Variants in RAD21L1 observed in about 807,000 individuals in gnomAD.
The protein encoded by RAD21L1 is RAD21 cohesin complex component like 1.
In RAD21L1, 47 loss-of-function variants were observed where a neutral mutation model predicts 69.0. The ratio of observed to expected loss-of-function variants is 0.68; its 90% CI spans 0.54 to 0.87. The LOEUF (loss-of-function observed/expected upper bound fraction) is 0.87. Among genes scored for constraint, RAD21L1 ranks in the 40% least tolerant of loss-of-function variants. The probability of loss-of-function intolerance (pLI) is 0.00; values close to 1 mark genes in which losing one functional copy is unlikely to be tolerated. For missense variants in RAD21L1, 583 were observed against 647.6 expected (o/e 0.90, Z 1.08); for synonymous variants, 177 against 205.8 (o/e 0.86, Z 1.20).
intron 10 of RAD21L1, among the ~76,000 whole-genome samples, chr20:1,243,720 T>A (rs1024401706): frequency 6.6e-6 from 1 of 152,186 alleles, no homozygotes; most frequent in Non-Finnish European, 1.5e-5. Context: ...CACTTCCTGA[T>A]CACCCTTCCT....
Position 1,229,893 on chromosome 20 carries a change from T to C in RAD21L1, c.158T>C (p.Leu53Pro). The change falls in exon 3 of 14, where the codon CTT (leucine) becomes CCT (proline). Residue 53 changes from leucine (L) to proline (P), a missense_variant. Leu to Pro is a moderately conservative substitution (Grantham distance 98). Transcript: ENST00000683101. Reference sequence around the variant, plus strand: ...AATTATTGAAAGGTGAAAATAGCACTTCGAACTTCAGGACACCTTCTTTTG... The same window carrying C: ...AATTATTGAAAGGTGAAAATAGCACCTCGAACTTCAGGACACCTTCTTTTG... The part of the protein sequence containing the change: ...KILSPKVKIA[L>P]RTSGHLLLGV... 1 of 1,548,470 alleles carries C rather than the reference T, an allele frequency of 6.5e-7. No individual in the cohort carries two copies.
intron 7 of RAD21L1, among the ~76,000 whole-genome samples, 157 bp from the exon 8 acceptor site, chr20:1,240,164 T>C (rs1172234033): frequency 1.3e-5 from 2 of 152,210 alleles, no homozygotes; most frequent in African/African-American, 4.8e-5. Context: ...GTAAGCCTCT[T>C]CAGCTCTATT....
rs745733834 is a variant in RAD21L1, at chr20:1,246,378, A to C, written c.1401+73A>C. ...AAATATTTAACACCTTATTTATCTA[A>C]AACTTGGCTTTTATAGCTGTCATGT... On this transcript the variant is annotated intron_variant, in intron 12 of 13. Coordinates refer to ENST00000683101, the MANE Select transcript of RAD21L1 (RefSeq NM_001384355.1). The surrounding 1 kb of genome is among the most constrained non-coding windows in gnomAD (Gnocchi z 4.6). 4.6e-5 allele frequency: 30 copies of C among 650,470 alleles called. No homozygotes were observed. Among genetic ancestry groups the C allele is most frequent in the Non-Finnish European group, 7.1e-5 (30 of 422,274 alleles). 40.3% of individuals were successfully genotyped at this position (650,470 alleles called of 1,614,324 possible). A position where few individuals can be genotyped will look rare whatever the true frequency, so the allele number is the denominator to read the frequency against.
At position 1,235,267 on chromosome 20, in the gene RAD21L1, C is replaced by A. The variant is rs531462535; in HGVS notation, c.475+1076C>A. Among the ~76,000 whole-genome samples, 208 of 152,048 alleles carry A rather than the reference C, an allele frequency of 1.4e-3. 2 individuals are homozygous for A. Among genetic ancestry groups the A allele is most frequent in the Non-Finnish European group, 2.7e-3 (183 of 67,982 alleles). ...AAAGATGGCCTATGTCTATCTTGGT[C>A]GGGGAGGGGAGTCAAGAAAGTAATG... is the stretch of plus-strand genomic sequence containing the variant. On this transcript the variant is annotated intron_variant, in intron 5 of 13. Coordinates refer to ENST00000683101, the MANE Select transcript of RAD21L1 (RefSeq NM_001384355.1).
chr20:1,248,493 A>AT (rs1600230359), intron 12 of RAD21L1, 133 bp from the exon 13 acceptor site: 1 of 517,934 alleles, frequency 1.9e-6, no homozygotes, highest in Non-Finnish European at 3.4e-6. Context: ...AATAATAAAG[A>AT]TTATAAGCTC....
intron 4 of RAD21L1, among the ~76,000 whole-genome samples, chr20:1,231,824 A>G (rs1288039980): frequency 1.3e-5 from 2 of 152,212 alleles, no homozygotes; most frequent in Non-Finnish European, 2.9e-5. Flanking sequence ...CAATATTGAC[A>G]GTATATTCAT....
chr20:1,250,643 T>C (rs891960300), intron 13 of RAD21L1, among the ~76,000 whole-genome samples: 1 of 152,240 alleles, frequency 6.6e-6, no homozygotes, highest in African/African-American at 2.4e-5. Context: ...TCTTTGCTAT[T>C]GTGAATAGTG....
At chr20:1,227,362 G>GCCC (rs910764737) in intron 1 of RAD21L1, among the ~76,000 whole-genome samples, 6 of 152,260 alleles carry the variant, frequency 3.9e-5, no homozygotes, top group Non-Finnish European at 8.8e-5. Context: ...ATCTCCAGCT[G>GCCC]CCCCGTAGGG....
At chr20:1,238,001 C>T (rs773932942) in intron 5 of RAD21L1, 43 bp from the exon 6 acceptor site, 1 of 1,097,720 alleles carries the variant, frequency 9.1e-7, no homozygotes, top group South Asian at 2.1e-5. Flanking sequence ...CCCTATAATT[C>T]TGTGTTTCTA....
At chr20:1,234,905 A>G (rs1202746000) in intron 5 of RAD21L1, among the ~76,000 whole-genome samples, 2 of 151,986 alleles carry the variant, frequency 1.3e-5, no homozygotes. Flanking sequence ...ACACTCAGCT[A>G]ATTTTTTAAA....
At position 1,246,873 on chromosome 20, in the gene RAD21L1, T is replaced by C. The variant is rs1443132181; in HGVS notation, c.1401+568T>C. 1.3e-5 allele frequency among the ~76,000 whole-genome samples: 2 copies of C among 152,162 alleles called. No individual in the cohort carries two copies. The highest frequency in any genetic ancestry group is 1.3e-4 in the Admixed American group (2 of 15,266). ...TAACTGTCTTATTTCTCTGGTATTA[T>C]CCCAGCATACTGAAAACATTTTTAA... On this transcript the variant is annotated intron_variant, in intron 12 of 13. Coordinates refer to ENST00000683101, the MANE Select transcript of RAD21L1 (RefSeq NM_001384355.1). The surrounding 1 kb of genome is among the most constrained non-coding windows in gnomAD (Gnocchi z 4.6).
chr20:1,235,633 A>G (rs953863403), intron 5 of RAD21L1, among the ~76,000 whole-genome samples: 6 of 152,184 alleles, frequency 3.9e-5, no homozygotes, highest in African/African-American at 9.6e-5. Context: ...TACTTTAAGT[A>G]GCACTGATCT....
intron 13 of RAD21L1, among the ~76,000 whole-genome samples, chr20:1,252,612 T>C (rs1345788227): frequency 6.6e-6 from 1 of 152,186 alleles, no homozygotes; most frequent in Non-Finnish European, 1.5e-5. Context: ...ATGCTTGTTA[T>C]CTCCAGAAGG....
Position 1,231,100 on chromosome 20 carries a change from C to A in RAD21L1, c.275-426C>A, listed in dbSNP as rs958242947. 2.6e-5 allele frequency among the ~76,000 whole-genome samples: 4 copies of A among 152,124 alleles called. No homozygotes were observed. In the East Asian group the frequency reaches 7.7e-4, roughly 29 times the overall value. ...TCAGACTTGAAAAATGAGAACTACC[C>A]AGCCATGTAAAAAGTCCCTGAGGGA... is the stretch of plus-strand genomic sequence containing the variant. On this transcript the variant is annotated intron_variant, in intron 3 of 13. Coordinates refer to ENST00000683101, the MANE Select transcript of RAD21L1 (RefSeq NM_001384355.1).
In RAD21L1 at chr20:1,231,541, C is replaced by T; in HGVS notation, c.290C>T (p.Pro97Leu). The T allele has an allele frequency of 3.3e-6, 5 of 1,535,788 alleles. No homozygotes were observed. Among genetic ancestry groups the T allele is most frequent in the Non-Finnish European group, 4.4e-6 (5 of 1,135,766 alleles). Reference sequence around the variant, plus strand: ...TCCTTTTCAGGACTGGTTGACCTTCCAAAAGAGAATTTTGAAGCATCTTAC... The same window carrying T: ...TCCTTTTCAGGACTGGTTGACCTTCTAAAAGAGAATTTTGAAGCATCTTAC... ...MTFCPGLVDL[P>L]KENFEASYNA... Residue 97 changes from proline (P) to leucine (L), a missense_variant, in exon 4 of 14, where the codon CCA (proline) becomes CTA (leucine). Coordinates refer to ENST00000683101, the MANE Select transcript of RAD21L1 (RefSeq NM_001384355.1).
chr20:1,227,777 A>T (rs1007586447), intron 1 of RAD21L1, among the ~76,000 whole-genome samples: 2 of 152,126 alleles, frequency 1.3e-5, no homozygotes, highest in African/African-American at 4.8e-5. Context: ...TTTAAATTTG[A>T]TTCGTGTTTC....
chr20:1,231,411 G>T, intron 3 of RAD21L1, 115 bp from the exon 4 acceptor site: 1 of 662,522 alleles, frequency 1.5e-6, no homozygotes, highest in Non-Finnish European at 2.7e-6. Flanking sequence ...GGAGTAGATA[G>T]AGGAAAACTA....
At chr20:1,230,065 G>A in intron 3 of RAD21L1, 56 bp downstream of exon 3, 1 of 1,378,064 alleles carries the variant, frequency 7.3e-7, no homozygotes, top group Non-Finnish European at 9.9e-7. Context: ...ATTTTAATTG[G>A]GGGTGGGATC....
Position 1,228,433 on chromosome 20 carries a change from C to A in RAD21L1, c.-21C>A. 1 of 1,453,382 alleles carries A rather than the reference C, an allele frequency of 6.9e-7. No individual in the cohort carries two copies. The highest frequency in any genetic ancestry group is 9.1e-7 in the Non-Finnish European group (1 of 1,101,732). 90.0% of individuals were successfully genotyped at this position (1,453,382 alleles called of 1,614,324 possible). A position where few individuals can be genotyped will look rare whatever the true frequency, so the allele number is the denominator to read the frequency against. On this transcript the variant is annotated 5_prime_UTR_variant, in exon 2 of 14. Transcript: ENST00000683101. ...CGTGTTCTCTCTAGTTTGTTAAATA[C>A]AAGTAAGGAACACAGGCAACATGTT... is the stretch of plus-strand genomic sequence containing the variant.
Sources: allele counts gnomAD v4.1 joint callset (sites outside exome capture counted in the v4.1 genomes callset), GRCh38; gene constraint gnomAD v4.1.1; non-coding constraint Gnocchi (gnomAD v3.1); transcripts MANE v1.5; gene names NCBI Gene and HGNC (gene_info 2026-07-23, HGNC 2026-07-21).